Variants in TANGO6 observed in about 807,000 individuals in gnomAD.
The protein encoded by TANGO6 is transport and golgi organization 6 homolog, also known as transport and Golgi organization protein 6 homolog.
TANGO6 carries 90 observed loss-of-function variants against 114.2 expected under a neutral mutation model. That is an observed-to-expected ratio of 0.79 (90% CI 0.66 to 0.94). The LOEUF (loss-of-function observed/expected upper bound fraction) is 0.94, where lower values mean the gene tolerates loss of function less well. TANGO6 is among the 40% of genes least tolerant of loss of function. The pLI is 0.00. For synonymous variants in TANGO6, 477 were observed against 509.8 expected (o/e 0.94, Z 0.87); for missense variants, 1,274 against 1,315.3 (o/e 0.97, Z 0.49).
At chr16:68,908,062 T>C (rs1962876180) in intron 10 of TANGO6, among the ~76,000 whole-genome samples, 1 of 152,212 alleles carries the variant, frequency 6.6e-6, no homozygotes, top group South Asian at 2.1e-4. Context: ...TGTGCTTTGC[T>C]TGCTTTTCTT....
chr16:68,963,788 A>T (rs7201076), intron 14 of TANGO6, among the ~76,000 whole-genome samples: 19,758 of 152,112 alleles, frequency 0.13, 1,954 homozygotes, highest in African/African-American at 0.28. Flanking sequence ...TTCTGCGTAC[A>T]TACTGATATA....
At chr16:68,954,875 C>T (rs1363451708) in intron 14 of TANGO6, among the ~76,000 whole-genome samples, 1 of 152,182 alleles carries the variant, frequency 6.6e-6, no homozygotes, top group East Asian at 1.9e-4. Context: ...GCATCAAAAA[C>T]TCAGGTGATT....
chr16:68,851,460 C>T (rs1961901643), intron 1 of TANGO6, among the ~76,000 whole-genome samples: 1 of 152,098 alleles, frequency 6.6e-6, no homozygotes, highest in African/African-American at 2.4e-5. Flanking sequence ...GCCCGGCCTG[C>T]ATCTTACTTT....
intron 15 of TANGO6, among the ~76,000 whole-genome samples, chr16:68,988,984 G>C (rs1597049397): frequency 6.6e-6 from 1 of 152,112 alleles, no homozygotes; most frequent in East Asian, 1.9e-4. Flanking sequence ...TCCCTCTTCA[G>C]TTTCCCAAGT....
At chr16:68,871,475 AT>A (rs1048478953) in intron 4 of TANGO6, among the ~76,000 whole-genome samples, 1 of 151,550 alleles carries the variant, frequency 6.6e-6, no homozygotes, top group African/African-American at 2.4e-5. Flanking sequence ...ATCTTCAAAT[AT>A]TTTTTTCTGT....
At chr16:68,987,894 C>T (rs1380176280) in intron 15 of TANGO6, among the ~76,000 whole-genome samples, 2 of 152,184 alleles carry the variant, frequency 1.3e-5, no homozygotes, top group African/African-American at 4.8e-5. Flanking sequence ...TTGTATTTTC[C>T]TGGTGACTAA....
intron 15 of TANGO6, among the ~76,000 whole-genome samples, chr16:69,015,391 A>G (rs113558388): frequency 3.3e-5 from 5 of 152,168 alleles, no homozygotes; most frequent in Admixed American, 1.3e-4. Flanking sequence ...TGACACTCCC[A>G]CTGGCTTCTT....
At chr16:68,843,735 G>A (rs753482192) in intron 1 of TANGO6, 24 bp downstream of exon 1, 2 of 1,611,858 alleles carry the variant, frequency 1.2e-6, no homozygotes, top group Admixed American at 1.7e-5. Context: ...TCTCCGCGCC[G>A]GGCTGGACCC....
intron 15 of TANGO6, among the ~76,000 whole-genome samples, chr16:68,980,435 A>ATATATTTTTTTT (rs1317961639): frequency 1.6e-5 from 1 of 61,812 alleles, no homozygotes; most frequent in African/African-American, 7.2e-5. Flanking sequence ...ATATATATAT[A>ATATATTTTTTTT]TTTTTTTTTT....
chr16:68,944,826 A>T (rs1963396961), intron 14 of TANGO6, among the ~76,000 whole-genome samples: 1 of 152,240 alleles, frequency 6.6e-6, no homozygotes, highest in Non-Finnish European at 1.5e-5. Context: ...ATTGCAATTC[A>T]GGGCATACAC....
chr16:68,909,392 A>C lies in TANGO6; in HGVS notation c.1982A>C (p.Asn661Thr). 6.5e-7 allele frequency: 1 copy of C among 1,535,188 alleles called. No individual in the cohort carries two copies. Among genetic ancestry groups the C allele is most frequent in the Non-Finnish European group, 8.8e-7 (1 of 1,135,518 alleles). ...CERMSEQIFT[N>T]VTQVVDFVAA... is the part of the protein sequence containing the mutation. The stretch of plus-strand genomic sequence containing the variant: ...AGAATGTCTGAGCAGATATTCACAA[A>C]CGTCACTCAGGTCAGTAGTTGCCAC... The change falls in exon 11 of 18, where the codon AAC becomes ACC. Residue 661 changes from asparagine (N) to threonine (T), a missense_variant. Transcript: ENST00000261778.
chr16:68,960,293 G>A (rs1963576019), intron 14 of TANGO6, among the ~76,000 whole-genome samples: 1 of 148,244 alleles, frequency 6.7e-6, no homozygotes, highest in African/African-American at 2.5e-5. Context: ...CAGTATTAGG[G>A]CAGCTTTTTT....
At chr16:68,898,049 G>GT (rs1171797786) in intron 7 of TANGO6, among the ~76,000 whole-genome samples, 5 of 151,500 alleles carry the variant, frequency 3.3e-5, no homozygotes, top group Admixed American at 3.3e-4. Context: ...ATTATTTTTT[G>GT]TACAAAAAAT....
intron 15 of TANGO6, among the ~76,000 whole-genome samples, chr16:69,006,582 T>TAA (rs537499307): frequency 6.9e-6 from 1 of 145,576 alleles, no homozygotes; most frequent in South Asian, 2.2e-4. Flanking sequence ...CATCTCTACT[T>TAA]AAAAAAAAAA....
At chr16:68,872,309 C>CT (rs368722656) in intron 4 of TANGO6, among the ~76,000 whole-genome samples, 4,701 of 143,522 alleles carry the variant, frequency 0.033, 231 homozygotes, top group African/African-American at 0.11. Context: ...ATTTTTTTTT[C>CT]TTTTTTTTTT....
chr16:68,871,015 T>C (rs1365270937), intron 4 of TANGO6, among the ~76,000 whole-genome samples: 1 of 151,590 alleles, frequency 6.6e-6, no homozygotes, highest in African/African-American at 2.4e-5. Flanking sequence ...GGTCTTGAAC[T>C]CCTGACCTCA....
intron 11 of TANGO6, among the ~76,000 whole-genome samples, chr16:68,910,429 T>G (rs902319553): frequency 6.6e-6 from 1 of 152,190 alleles, no homozygotes; most frequent in Non-Finnish European, 1.5e-5. Context: ...CCAGACCTTA[T>G]GTTTTTGTCT....
chr16:68,893,359 T>A (rs1962655067), intron 7 of TANGO6, among the ~76,000 whole-genome samples: 1 of 152,218 alleles, frequency 6.6e-6, no homozygotes, highest in Non-Finnish European at 1.5e-5. Context: ...AATAACTCTG[T>A]GTAAGACATA....
chr16:68,979,876 G>A (rs1017435780), intron 15 of TANGO6, among the ~76,000 whole-genome samples: 5 of 144,204 alleles, frequency 3.5e-5, no homozygotes, highest in African/African-American at 1.0e-4. Flanking sequence ...GTGGAGTCTC[G>A]CTCTGTCACC....
Sources: gnomAD v4.1 joint callset for allele counts (sites outside exome capture counted in the v4.1 genomes callset) on GRCh38, gnomAD v4.1.1 for gene constraint, MANE v1.5 for transcripts, NCBI Gene and HGNC (gene_info 2026-07-23, HGNC 2026-07-21) for gene names.